Variants in SPMIP2 observed in about 807,000 individuals in gnomAD.
SPMIP2 encodes sperm microtubule inner protein 2.
chr4:158,996,420 T>C, the SPMIP2 span, among the ~76,000 whole-genome samples: 4 of 152,224 alleles, frequency 2.6e-5, no homozygotes, highest in African/African-American at 7.2e-5. Context: ...AGTTTTATTA[T>C]AAGAAATGCT....
At chr4:158,897,094 T>C in the SPMIP2 span, among the ~76,000 whole-genome samples, 1 of 152,044 alleles carries the variant, frequency 6.6e-6, no homozygotes, top group Non-Finnish European at 1.5e-5. Flanking sequence ...CATGCGGTGT[T>C]TGGTTTTCTG....
the SPMIP2 span, among the ~76,000 whole-genome samples, chr4:158,908,989 A>G: frequency 6.6e-6 from 1 of 152,164 alleles, no homozygotes; most frequent in Non-Finnish European, 1.5e-5. Flanking sequence ...TGCCTGGCCA[A>G]CTTCATTATA....
At chr4:158,932,332 G>A in the SPMIP2 span, among the ~76,000 whole-genome samples, 3 of 152,098 alleles carry the variant, frequency 2.0e-5, no homozygotes, top group South Asian at 6.2e-4. Flanking sequence ...CAGGCATAGA[G>A]GTGGGAACCT....
chr4:159,035,145 A>G, the SPMIP2 span: 9 of 1,490,958 alleles, frequency 6.0e-6, no homozygotes, highest in South Asian at 1.2e-5. Flanking sequence ...GGCTTCTTCA[A>G]ATCAGTTAAG....
the SPMIP2 span, among the ~76,000 whole-genome samples, chr4:158,909,832 G>A: frequency 6.6e-6 from 1 of 152,138 alleles, no homozygotes; most frequent in Admixed American, 6.5e-5. Flanking sequence ...CACGAGGTCA[G>A]GAGATCGAGA....
chr4:159,060,697 A>G, the SPMIP2 span, among the ~76,000 whole-genome samples: 10 of 152,350 alleles, frequency 6.6e-5, no homozygotes, highest in African/African-American at 2.4e-4. Flanking sequence ...AATCCTGTAC[A>G]GAGCAAACTA....
At chr4:159,007,356 C>G in the SPMIP2 span, 1 of 690,572 alleles carries the variant, frequency 1.4e-6, no homozygotes, top group Non-Finnish European at 2.7e-6. Flanking sequence ...GAGATGGAAA[C>G]AGATAAGCAG....
the SPMIP2 span, among the ~76,000 whole-genome samples, chr4:159,006,219 G>T: frequency 6.6e-6 from 1 of 152,228 alleles, no homozygotes; most frequent in Non-Finnish European, 1.5e-5. Flanking sequence ...GGCTCATTAA[G>T]ATTTGGAAAA....
At chr4:158,998,889 G>A in the SPMIP2 span, among the ~76,000 whole-genome samples, 1 of 152,088 alleles carries the variant, frequency 6.6e-6, no homozygotes, top group Non-Finnish European at 1.5e-5. Flanking sequence ...GTACCATTGA[G>A]GCCAGGCGTG....
the SPMIP2 span, among the ~76,000 whole-genome samples, chr4:159,014,991 T>C: frequency 1.3e-5 from 2 of 152,242 alleles, no homozygotes. Flanking sequence ...TGCAACTTAA[T>C]TTTTTCCATG....
chr4:159,061,349 C>A, the SPMIP2 span, among the ~76,000 whole-genome samples: 45 of 152,010 alleles, frequency 3.0e-4, no homozygotes, highest in African/African-American at 1.1e-3. Flanking sequence ...CTCAGCCCAC[C>A]TTTCAGAAAA....
the SPMIP2 span, among the ~76,000 whole-genome samples, chr4:158,925,856 G>A: frequency 2.0e-5 from 3 of 152,164 alleles, no homozygotes; most frequent in Admixed American, 2.0e-4. Flanking sequence ...TTGGAGGATG[G>A]GAAGTTCAGG....
At chr4:158,956,365 C>A in the SPMIP2 span, among the ~76,000 whole-genome samples, 1 of 152,230 alleles carries the variant, frequency 6.6e-6, no homozygotes, top group Admixed American at 6.5e-5. Context: ...GAGTTTGAGA[C>A]CAGCCTGGCC....
chr4:159,080,763 GCCC>G, the SPMIP2 span, among the ~76,000 whole-genome samples: 177 of 152,030 alleles, frequency 1.2e-3, no homozygotes, highest in African/African-American at 4.1e-3. Context: ...TTGAGACAGA[GCCC>G]AGGCTGGAGT....
chr4:159,081,584 C>T, the SPMIP2 span, among the ~76,000 whole-genome samples: 8 of 151,836 alleles, frequency 5.3e-5, no homozygotes, highest in East Asian at 2.0e-4. Flanking sequence ...CTAGCTACTT[C>T]GGAGGCTGAG....
the SPMIP2 span, among the ~76,000 whole-genome samples, chr4:158,993,990 G>A: frequency 6.7e-4 from 102 of 152,190 alleles, no homozygotes; most frequent in African/African-American, 2.4e-3. Flanking sequence ...TTGTTAAACC[G>A]AACACTATGA....
chr4:159,035,823 T>C, the SPMIP2 span, among the ~76,000 whole-genome samples: 5 of 152,354 alleles, frequency 3.3e-5, no homozygotes, highest in South Asian at 1.0e-3. Context: ...TCCAGGAGGA[T>C]GTCTGCAGAC....
the SPMIP2 span, among the ~76,000 whole-genome samples, chr4:159,082,483 G>GTT: frequency 6.6e-6 from 1 of 151,504 alleles, no homozygotes; most frequent in Admixed American, 6.6e-5. Flanking sequence ...GTGTGTGTGT[G>GTT]TGTGTGTGTG....
chr4:159,068,804 G>T, the SPMIP2 span, among the ~76,000 whole-genome samples: 19 of 152,098 alleles, frequency 1.2e-4, no homozygotes, highest in African/African-American at 3.6e-4. Flanking sequence ...GGTAAATTGG[G>T]ATGGAGAAGA....
Sources: allele counts gnomAD v4.1 joint callset (sites outside exome capture counted in the v4.1 genomes callset), GRCh38; gene constraint gnomAD v4.1.1; transcripts MANE v1.5; gene names NCBI Gene and HGNC (gene_info 2026-07-23, HGNC 2026-07-21).